The following SPAG9 variants were observed in gnomAD, a reference collection of about 807,000 sequenced individuals.
The protein encoded by SPAG9 is C-Jun-amino-terminal kinase-interacting protein 4.
A neutral mutation model predicts 166.5 loss-of-function variants in SPAG9; 35 were observed. The ratio of observed to expected loss-of-function variants is 0.21; its 90% CI spans 0.16 to 0.28. The LOEUF (loss-of-function observed/expected upper bound fraction) is 0.28, where lower values mean the gene tolerates loss of function less well. Ranked by LOEUF, SPAG9 falls within the 10% of genes least tolerant of loss-of-function variation. SPAG9 has a pLI of 1.00. For missense variants in SPAG9, 1,235 were observed against 1,603.3 expected (o/e 0.77, Z 3.92); for synonymous variants, 534 against 565.5 (o/e 0.94, Z 0.79).
intron 9 of SPAG9, among the ~76,000 whole-genome samples, chr17:51,012,723 TTTATTTATTTA>T (rs1208859655): frequency 3.9e-5 from 2 of 50,838 alleles, no homozygotes; most frequent in African/African-American, 1.6e-4. Flanking sequence ...TACTAGATAC[TTTATTTATTTA>T]TTTATTTATT....
In SPAG9 at chr17:51,101,345, CAAA is replaced by C. The variant is rs60896400; in HGVS notation, c.303+19006_303+19008del. 3.4e-3 allele frequency among the ~76,000 whole-genome samples: 313 copies of C among 91,960 alleles called. 3 individuals are homozygous for C. Among genetic ancestry groups the C allele is most frequent in the African/African-American group, 0.013 (266 of 20,652 alleles). The allele number at this position is 91,960 out of a possible 152,430, so 60.3% of individuals were successfully genotyped here. On this transcript the variant is annotated intron_variant, in intron 1 of 29. Transcript: ENST00000262013. ...TGAGTGACACTGTGAGATTCTGTCT[CAAA>C]AAAAAAAAAAAAAAAAAAAAAAATT...
intron 6 of SPAG9, among the ~76,000 whole-genome samples, chr17:51,026,348 A>T (rs1167557810): frequency 1.3e-5 from 2 of 151,478 alleles, no homozygotes; most frequent in Non-Finnish European, 2.9e-5. Context: ...AAAAAAAATA[A>T]CCAGGAGAGA....
At chr17:51,018,605 C>T (rs1285142930) in intron 8 of SPAG9, among the ~76,000 whole-genome samples, 2 of 152,096 alleles carry the variant, frequency 1.3e-5, no homozygotes, top group Non-Finnish European at 2.9e-5. Context: ...ACCTTCTGAA[C>T]CCACCCAGCA....
chr17:51,061,242 G>C (rs1045890694), intron 2 of SPAG9, among the ~76,000 whole-genome samples: 1 of 152,050 alleles, frequency 6.6e-6, no homozygotes, highest in African/African-American at 2.4e-5. Flanking sequence ...ACAAAACAAA[G>C]TCAGGTCCTG....
At chr17:51,020,388 A>C (rs2045894542) in intron 7 of SPAG9, 130 bp from the exon 8 acceptor site, 1 of 616,522 alleles carries the variant, frequency 1.6e-6, no homozygotes, top group Admixed American at 2.9e-5. Context: ...ACTGGATTTT[A>C]GGAAATACAG....
At chr17:51,027,729 C>G (rs1028835524) in intron 6 of SPAG9, among the ~76,000 whole-genome samples, 1 of 152,142 alleles carries the variant, frequency 6.6e-6, no homozygotes, top group Admixed American at 6.5e-5. Context: ...CAATTCTATA[C>G]AGTACATAAT....
chr17:51,053,432 A>C (rs2047236190), intron 3 of SPAG9, among the ~76,000 whole-genome samples: 1 of 152,110 alleles, frequency 6.6e-6, no homozygotes, highest in Non-Finnish European at 1.5e-5. Flanking sequence ...CACGCCTGTA[A>C]TCCCAGCACT....
intron 1 of SPAG9, among the ~76,000 whole-genome samples, chr17:51,089,661 T>TATATATACATAC (rs1426675943): frequency 1.0e-5 from 1 of 97,896 alleles, no homozygotes; most frequent in Non-Finnish European, 2.1e-5. Context: ...TATATATATA[T>TATATATACATAC]ATACACATAC....
intron 27 of SPAG9, among the ~76,000 whole-genome samples, chr17:50,975,711 T>TAA (rs370326620): frequency 2.9e-5 from 4 of 139,310 alleles, no homozygotes; most frequent in Non-Finnish European, 6.3e-5. Context: ...TAACAAACAT[T>TAA]AAAAAAAAAA....
At chr17:51,013,869 T>A (rs1165334587) in intron 9 of SPAG9, among the ~76,000 whole-genome samples, 1 of 149,640 alleles carries the variant, frequency 6.7e-6, no homozygotes, top group Non-Finnish European at 1.5e-5. Flanking sequence ...AGGGGATAAC[T>A]AGGCATCAAT....
intron 12 of SPAG9, among the ~76,000 whole-genome samples, 167 bp downstream of exon 12, chr17:51,005,045 A>C (rs550223180): frequency 5.9e-5 from 9 of 152,232 alleles, no homozygotes; most frequent in South Asian, 2.1e-4. Flanking sequence ...AAAGCTCAGC[A>C]TCTGGATACC....
chr17:51,096,963 T>C (rs1414896392), intron 1 of SPAG9, among the ~76,000 whole-genome samples: 1 of 152,190 alleles, frequency 6.6e-6, no homozygotes, highest in East Asian at 1.9e-4. Flanking sequence ...GGATGGGAGC[T>C]GGTCATTGGA....
chr17:51,030,659 T>C (rs139848144), intron 6 of SPAG9, among the ~76,000 whole-genome samples: 87 of 152,238 alleles, frequency 5.7e-4, no homozygotes, highest in Admixed American at 1.3e-3. Flanking sequence ...AAACCTTAAC[T>C]CTAGATACTC....
chr17:50,979,915 T>C lies in SPAG9; in HGVS notation c.3240A>G (p.Lys1080=). The C allele has an allele frequency of 1.9e-6, 3 of 1,609,904 alleles. No individual in the cohort carries two copies. Among genetic ancestry groups the C allele is most frequent in the Non-Finnish European group, 2.6e-6 (3 of 1,176,352 alleles). The change falls in exon 26 of 30, where the codon AAA becomes AAG. Residue 1080 remains lysine (K), a splice_region_variant and synonymous_variant. Transcript: ENST00000262013. ...VVQPKAMKIE[K]SFDAHPRKES... ...CCTTCCTGGGATGTGCATCAAAAGA[T>C]TTCTAGGAGAGATTGTCCAATCACA...
At chr17:50,993,039 T>C (rs935552193) in intron 19 of SPAG9, among the ~76,000 whole-genome samples, 4 of 138,922 alleles carry the variant, frequency 2.9e-5, no homozygotes, top group Non-Finnish European at 1.5e-5. Context: ...GAGGTTGCAG[T>C]AAGCCGAGAC....
chr17:51,000,787 A>T (rs2044910735), intron 13 of SPAG9, among the ~76,000 whole-genome samples: 1 of 148,646 alleles, frequency 6.7e-6, no homozygotes, highest in Non-Finnish European at 1.5e-5. Context: ...ATAAATAAAT[A>T]AATAAGGTCC....
Position 51,000,677 on chromosome 17 carries a change from A to G in SPAG9, c.1608-960T>C, listed in dbSNP as rs550124227. On this transcript the variant is annotated intron_variant, in intron 13 of 29. Transcript: ENST00000262013. ...AACCCAGGGGGTGGAGGTTGCAGTG[A>G]GCCGAGATCACACTTCTGCACTCCA... 2.6e-5 allele frequency among the ~76,000 whole-genome samples: 4 copies of G among 151,928 alleles called. No homozygotes were observed. The South Asian group carries it at 8.3e-4, about 32-fold the overall frequency.
chr17:51,060,091 C>A (rs2047462033), intron 2 of SPAG9, among the ~76,000 whole-genome samples: 1 of 152,108 alleles, frequency 6.6e-6, no homozygotes, highest in Non-Finnish European at 1.5e-5. Flanking sequence ...TTCCCATCCC[C>A]ACAGAGAACT....
chr17:51,078,472 C>T (rs1474235700), intron 2 of SPAG9, among the ~76,000 whole-genome samples: 1 of 152,122 alleles, frequency 6.6e-6, no homozygotes, highest in Non-Finnish European at 1.5e-5. Context: ...ACTATGTAGC[C>T]TTCATGAGTA....
Sources: allele counts gnomAD v4.1 joint callset (sites outside exome capture counted in the v4.1 genomes callset), GRCh38; gene constraint gnomAD v4.1.1; transcripts MANE v1.5; gene names NCBI Gene and HGNC (gene_info 2026-07-23, HGNC 2026-07-21).